Variants in HS3ST2 observed in about 807,000 individuals in gnomAD.
HS3ST2 encodes the protein heparan sulfate glucosamine 3-O-sulfotransferase 2.
In HS3ST2, 17 loss-of-function variants were observed where a neutral mutation model predicts 26.3. That is an observed-to-expected ratio of 0.65 (90% CI 0.44 to 0.97). HS3ST2 has a LOEUF of 0.97. Ranked by LOEUF, HS3ST2 falls within the 50% of genes least tolerant of loss-of-function variation. The pLI, the probability that HS3ST2 is intolerant of heterozygous loss-of-function variation, is 0.00. For synonymous variants in HS3ST2, 237 were observed against 219.2 expected (o/e 1.08, Z -0.72); for missense variants, 402 against 501.2 (o/e 0.80, Z 1.89).
rs140006231 is a variant in HS3ST2 at position 22,888,257 on chromosome 16, C to G, written c.486-26687C>G. On this transcript the variant is annotated intron_variant, in intron 1 of 1. Coordinates refer to ENST00000261374, the MANE Select transcript of HS3ST2 (RefSeq NM_006043.2). ...AAATCTGAACACTCCCTAAACCAGT[C>G]GCTATTCTTTCACTCATTCAAGCCT... Among the ~76,000 whole-genome samples, 184 of 152,250 alleles carry G rather than the reference C, an allele frequency of 1.2e-3. 1 individual carries two copies. The highest frequency in any genetic ancestry group is 3.9e-4 in the East Asian group (2 of 5,186).
At chr16:22,906,095 G>A (rs138989172) in intron 1 of HS3ST2, among the ~76,000 whole-genome samples, 60 of 152,244 alleles carry the variant, frequency 3.9e-4, no homozygotes, top group African/African-American at 1.4e-3. Context: ...GGTACCAGCC[G>A]GGCACGGTGG....
At chr16:22,830,596 G>A (rs1901154253) in intron 1 of HS3ST2, among the ~76,000 whole-genome samples, 1 of 152,202 alleles carries the variant, frequency 6.6e-6, no homozygotes, top group African/African-American at 2.4e-5. Context: ...GATGCAAATG[G>A]AGGTTTGTTG....
intron 1 of HS3ST2, among the ~76,000 whole-genome samples, chr16:22,847,973 G>C (rs1901466991): frequency 6.6e-6 from 1 of 152,066 alleles, no homozygotes; most frequent in Non-Finnish European, 1.5e-5. Flanking sequence ...GAGTGAGAAA[G>C]AAAGAATTTG....
chr16:22,860,271 G>C (rs1354801809), intron 1 of HS3ST2, among the ~76,000 whole-genome samples: 1 of 152,152 alleles, frequency 6.6e-6, no homozygotes, highest in African/African-American at 2.4e-5. Flanking sequence ...CGGCAAGAGA[G>C]AGAGCTTGTG....
intron 1 of HS3ST2, among the ~76,000 whole-genome samples, chr16:22,866,603 C>A (rs772810302): frequency 7.2e-5 from 11 of 151,846 alleles, no homozygotes; most frequent in Non-Finnish European, 1.6e-4. Flanking sequence ...GACCCCGTCT[C>A]TACAAAGGGC....
intron 1 of HS3ST2, among the ~76,000 whole-genome samples, chr16:22,864,284 C>A (rs2141190479): frequency 6.6e-6 from 1 of 152,284 alleles, no homozygotes; most frequent in Non-Finnish European, 1.5e-5. Context: ...AGAGTAGAAA[C>A]ATATTCAAAT....
At chr16:22,893,723 C>A (rs140845730) in intron 1 of HS3ST2, among the ~76,000 whole-genome samples, 86 of 149,558 alleles carry the variant, frequency 5.8e-4, no homozygotes, top group African/African-American at 2.1e-3. Context: ...GAACAGAAAA[C>A]CGAACACCAC....
chr16:22,869,068 A>G (rs1341380375), intron 1 of HS3ST2, among the ~76,000 whole-genome samples: 1 of 151,736 alleles, frequency 6.6e-6, no homozygotes, highest in Non-Finnish European at 1.5e-5. Flanking sequence ...CCTAACAGGT[A>G]CTAAACAAGC....
chr16:22,829,145 A>G (rs1000861580), intron 1 of HS3ST2, among the ~76,000 whole-genome samples: 3 of 152,212 alleles, frequency 2.0e-5, no homozygotes, highest in Non-Finnish European at 4.4e-5. Flanking sequence ...AGGATGGGGA[A>G]GTTCTGAGCT....
At chr16:22,893,629 C>G (rs1049007762) in intron 1 of HS3ST2, among the ~76,000 whole-genome samples, 1 of 66,004 alleles carries the variant, frequency 1.5e-5, no homozygotes, top group Non-Finnish European at 2.9e-5. Flanking sequence ...TTCTTTTTTT[C>G]TTTTCTTTTT....
At chr16:22,843,158 G>GTA (rs10651723) in intron 1 of HS3ST2, among the ~76,000 whole-genome samples, 2 of 144,978 alleles carry the variant, frequency 1.4e-5, no homozygotes, top group East Asian at 3.9e-4. Flanking sequence ...ATGTATGTAT[G>GTA]TGTGTGTGTG....
At chr16:22,839,073 C>G (rs1258742141) in intron 1 of HS3ST2, among the ~76,000 whole-genome samples, 1 of 152,228 alleles carries the variant, frequency 6.6e-6, no homozygotes, top group Admixed American at 6.5e-5. Flanking sequence ...CCTGTAAACT[C>G]TCTCCTTCAC....
At chr16:22,853,614 C>G (rs1452631750) in intron 1 of HS3ST2, among the ~76,000 whole-genome samples, 1 of 152,104 alleles carries the variant, frequency 6.6e-6, no homozygotes, top group Non-Finnish European at 1.5e-5. Flanking sequence ...GCTAGGATAG[C>G]TTCACCTATA....
intron 1 of HS3ST2, among the ~76,000 whole-genome samples, chr16:22,878,746 C>T (rs1401661070): frequency 6.6e-6 from 1 of 151,840 alleles, no homozygotes; most frequent in Admixed American, 6.6e-5. Context: ...GGGAAGTGCC[C>T]CCGAGAGAGC....
At chr16:22,826,591 C>A (rs1208682903) in intron 1 of HS3ST2, among the ~76,000 whole-genome samples, 1 of 152,222 alleles carries the variant, frequency 6.6e-6, no homozygotes, top group African/African-American at 2.4e-5. Context: ...CCTTGTCTAT[C>A]ATATTCATGA....
intron 1 of HS3ST2, among the ~76,000 whole-genome samples, chr16:22,912,485 G>T (rs1158058902): frequency 6.6e-6 from 1 of 152,166 alleles, no homozygotes; most frequent in Non-Finnish European, 1.5e-5. Context: ...TGCAGGGCAG[G>T]CGAGCCTTGG....
chr16:22,853,305 A>T lies in HS3ST2; in HGVS notation c.485+38210A>T, dbSNP rs537415556. Among the ~76,000 whole-genome samples, 4 of 152,310 alleles carry T rather than the reference A, an allele frequency of 2.6e-5. No individual in the cohort carries two copies. In the East Asian group the frequency reaches 7.7e-4, roughly 29 times the overall value. ...GGACTCATACAGTGCATCTTACAAG[A>T]TATGCACATTGGTGTCGGGGTTCTT... On this transcript the variant is annotated intron_variant, in intron 1 of 1. Transcript: ENST00000261374.
At chr16:22,884,188 G>A (rs190265482) in intron 1 of HS3ST2, among the ~76,000 whole-genome samples, 20 of 152,278 alleles carry the variant, frequency 1.3e-4, no homozygotes, top group Admixed American at 3.9e-4. Context: ...ATGTGTCAGG[G>A]ACCATTCTTG....
intron 1 of HS3ST2, among the ~76,000 whole-genome samples, chr16:22,886,121 G>A (rs915734354): frequency 6.6e-6 from 1 of 152,134 alleles, no homozygotes; most frequent in Non-Finnish European, 1.5e-5. Flanking sequence ...CCCTCTCCAA[G>A]CAGCTACGGA....
Sources: allele counts gnomAD v4.1 joint callset (sites outside exome capture counted in the v4.1 genomes callset), GRCh38; gene constraint gnomAD v4.1.1; transcripts MANE v1.5; gene names NCBI Gene and HGNC (gene_info 2026-07-23, HGNC 2026-07-21).